CNTNAP2: variants seen among roughly 807,000 people sequenced by gnomAD.
CNTNAP2 encodes contactin associated protein 2, also known as contactin-associated protein-like 2.
CNTNAP2 carries 98 observed loss-of-function variants against 155.2 expected under a neutral mutation model. That is an observed-to-expected ratio of 0.63 (90% CI 0.54 to 0.75). The LOEUF is 0.75. Among genes scored for constraint, CNTNAP2 ranks in the 30% least tolerant of loss-of-function variants. The pLI, the probability that CNTNAP2 is intolerant of heterozygous loss-of-function variation, is 0.00. For synonymous variants in CNTNAP2, 651 were observed against 631.2 expected, an observed-to-expected ratio of 1.03 and a Z score of -0.47; for missense variants, 1,727 against 1,688.1, an observed-to-expected ratio of 1.02 and a Z score of -0.40.
At chr7:147,417,955 A>T (rs1186653560) in intron 10 of CNTNAP2, among the ~76,000 whole-genome samples, 1 of 152,232 alleles carries the variant, frequency 6.6e-6, no homozygotes, top group Admixed American at 6.5e-5. Flanking sequence ...TTTGATGAAT[A>T]AGGGAAGTCA....
chr7:146,156,358 G>T (rs746973352), intron 1 of CNTNAP2, among the ~76,000 whole-genome samples: 3 of 152,096 alleles, frequency 2.0e-5, no homozygotes, highest in African/African-American at 7.2e-5. Flanking sequence ...AAAACACCCA[G>T]ATCAGTTATT....
At chr7:147,377,424 T>C (rs1796454193) in intron 9 of CNTNAP2, among the ~76,000 whole-genome samples, 2 of 151,822 alleles carry the variant, frequency 1.3e-5, no homozygotes, top group Non-Finnish European at 1.5e-5. Flanking sequence ...ATCACTTTTA[T>C]AATTTTAGTT....
intron 13 of CNTNAP2, among the ~76,000 whole-genome samples, chr7:147,640,622 T>C (rs1170296316): frequency 1.3e-5 from 2 of 152,164 alleles, no homozygotes; most frequent in Admixed American, 6.5e-5. Context: ...CAAACAGTGA[T>C]AAGGCTCCGA....
intron 15 of CNTNAP2, among the ~76,000 whole-genome samples, chr7:148,024,157 TAAAAA>T (rs34591496): frequency 1.6e-4 from 17 of 107,630 alleles, no homozygotes; most frequent in African/African-American, 5.0e-4. Context: ...CTTTAAAGTG[TAAAAA>T]AAAAAAAAAA....
At chr7:147,842,582 C>CTT (rs1563108253) in intron 13 of CNTNAP2, among the ~76,000 whole-genome samples, 2 of 55,166 alleles carry the variant, frequency 3.6e-5, no homozygotes, top group African/African-American at 7.5e-5. Flanking sequence ...TTACTTTTTA[C>CTT]TTTTCTTTTT....
At chr7:146,480,892 C>T (rs572976377) in intron 1 of CNTNAP2, among the ~76,000 whole-genome samples, 1 of 151,830 alleles carries the variant, frequency 6.6e-6, no homozygotes, top group South Asian at 2.1e-4. Flanking sequence ...CTGTGTTAGC[C>T]AGAATGGTCT....
At chr7:146,136,232 C>A (rs10248963) in intron 1 of CNTNAP2, among the ~76,000 whole-genome samples, 4 of 152,066 alleles carry the variant, frequency 2.6e-5, no homozygotes, top group South Asian at 4.1e-4. Flanking sequence ...TTTTACATTG[C>A]ATACTGCCAG....
rs17170098 is a variant in CNTNAP2 at position 146,466,722 on chromosome 7, T to C, written c.98-307549T>C. On this transcript the variant is annotated intron_variant, in intron 1 of 23. Transcript: ENST00000361727. Reference sequence around the variant, plus strand: ...ACTGAAATTGCTCATAATTGTTTGATGATTTTAGTCATTGAAAAGCCTGAT... The same window carrying C: ...ACTGAAATTGCTCATAATTGTTTGACGATTTTAGTCATTGAAAAGCCTGAT... Among the ~76,000 whole-genome samples the C allele has an allele frequency of 2.5e-3, 384 of 152,330 alleles. 12 individuals carry two copies. The East Asian group carries it at 0.043, about 17-fold the overall frequency.
At chr7:148,283,271 G>A (rs865965887) in intron 21 of CNTNAP2, among the ~76,000 whole-genome samples, 5 of 70,330 alleles carry the variant, frequency 7.1e-5, no homozygotes, top group African/African-American at 1.4e-4. Flanking sequence ...AAGAAAGAAA[G>A]AAAGAAAGAA....
At chr7:146,709,763 C>G (rs1312662183) in intron 1 of CNTNAP2, among the ~76,000 whole-genome samples, 4 of 152,076 alleles carry the variant, frequency 2.6e-5, no homozygotes, top group African/African-American at 9.7e-5. Context: ...TTGAGATTTT[C>G]TGGACTATGA....
chr7:146,671,762 A>G (rs1194428608), intron 1 of CNTNAP2, among the ~76,000 whole-genome samples: 1 of 152,084 alleles, frequency 6.6e-6, no homozygotes, highest in Non-Finnish European at 1.5e-5. Context: ...AAATATTTTT[A>G]CCAATCCACA....
chr7:147,074,506 T>C (rs530210289), intron 4 of CNTNAP2, among the ~76,000 whole-genome samples: 2 of 152,268 alleles, frequency 1.3e-5, no homozygotes, highest in African/African-American at 4.8e-5. Context: ...AGCCGCATCA[T>C]GGATTAGCAT....
intron 1 of CNTNAP2, among the ~76,000 whole-genome samples, chr7:146,606,814 T>G (rs981818678): frequency 6.6e-6 from 1 of 152,172 alleles, no homozygotes; most frequent in Non-Finnish European, 1.5e-5. Flanking sequence ...CTGACACTCA[T>G]TTACTCTCAA....
chr7:146,615,763 G>A (rs1489183594), intron 1 of CNTNAP2, among the ~76,000 whole-genome samples: 1 of 152,150 alleles, frequency 6.6e-6, no homozygotes, highest in African/African-American at 2.4e-5. Flanking sequence ...TCCTTGGTGG[G>A]GAGAAACCTG....
chr7:147,787,953 T>C (rs975852983), intron 13 of CNTNAP2, among the ~76,000 whole-genome samples: 5 of 152,196 alleles, frequency 3.3e-5, no homozygotes, highest in Admixed American at 6.5e-5. Flanking sequence ...AAAAGCAGAG[T>C]TACTTTTCTC....
intron 13 of CNTNAP2, among the ~76,000 whole-genome samples, chr7:147,863,965 C>T (rs1253693336): frequency 6.6e-6 from 1 of 152,082 alleles, no homozygotes; most frequent in African/African-American, 2.4e-5. Flanking sequence ...GCTTTTGTTG[C>T]CATTGCTTTT....
At chr7:147,115,141 A>T (rs1247190412) in intron 5 of CNTNAP2, among the ~76,000 whole-genome samples, 1 of 152,200 alleles carries the variant, frequency 6.6e-6, no homozygotes, top group African/African-American at 2.4e-5. Context: ...ATTGGCCCCC[A>T]ATCTCTTCTA....
chr7:147,731,226 T>C (rs1163964460), intron 13 of CNTNAP2, among the ~76,000 whole-genome samples: 1 of 152,162 alleles, frequency 6.6e-6, no homozygotes, highest in Admixed American at 6.6e-5. Flanking sequence ...CATCTTTCTA[T>C]TGGAAGAAGA....
chr7:147,925,652 G>A (rs1679669957), intron 14 of CNTNAP2, among the ~76,000 whole-genome samples: 1 of 151,960 alleles, frequency 6.6e-6, no homozygotes, highest in South Asian at 2.1e-4. Context: ...TAGTAGAGTT[G>A]GGGTTTCACC....
Sources: allele counts gnomAD v4.1 joint callset (sites outside exome capture counted in the v4.1 genomes callset), GRCh38; gene constraint gnomAD v4.1.1; transcripts MANE v1.5; gene names NCBI Gene and HGNC (gene_info 2026-07-23, HGNC 2026-07-21).